The following PPP1R12C variants were observed in gnomAD, a reference collection of about 807,000 sequenced individuals.
PPP1R12C encodes leukocyte receptor cluster (LRC) encoded novel gene 3.
In PPP1R12C, 48 loss-of-function variants were observed where a neutral mutation model predicts 95.6. The ratio of observed to expected loss-of-function variants is 0.50; its 90% CI spans 0.40 to 0.64. The LOEUF is 0.64. PPP1R12C is among the 30% of genes least tolerant of loss of function. The probability of loss-of-function intolerance (pLI) is 0.00; values close to 1 mark genes in which losing one functional copy is unlikely to be tolerated. For missense variants in PPP1R12C, 1,057 were observed against 1,083.3 expected (o/e 0.98, Z 0.34); for synonymous variants, 480 against 460.8 (o/e 1.04, Z -0.53).
chr19:55,115,229 C>G (rs1157700682), intron 1 of PPP1R12C: 10 of 152,170 alleles, frequency 6.6e-5, no homozygotes, highest in Non-Finnish European at 1.3e-4. Flanking sequence ...GTTTTCCACA[C>G]GGACACCCCC....
intron 4 of PPP1R12C, among the ~76,000 whole-genome samples, chr19:55,101,125 G>A (rs1365998372): frequency 2.0e-5 from 3 of 152,028 alleles, no homozygotes; most frequent in African/African-American, 7.2e-5. Context: ...GAGCACACCT[G>A]TAATCACAGC....
intron 4 of PPP1R12C, among the ~76,000 whole-genome samples, chr19:55,100,087 C>T (rs533587706): frequency 6.6e-6 from 1 of 152,330 alleles, no homozygotes; most frequent in East Asian, 1.9e-4. Context: ...GTCCGCTCGC[C>T]GCTGGCCTCT....
chr19:55,098,899 G>A (rs1477433968), intron 5 of PPP1R12C, 41 bp from the exon 6 acceptor site: 1 of 1,611,640 alleles, frequency 6.2e-7, no homozygotes, highest in East Asian at 2.2e-5. Flanking sequence ...TGAAGGAGGT[G>A]CTGGGCCCTC....
chr19:55,100,041 C>A (rs893593376), intron 4 of PPP1R12C, among the ~76,000 whole-genome samples: 1 of 152,180 alleles, frequency 6.6e-6, no homozygotes, highest in African/African-American at 2.4e-5. Flanking sequence ...GCTCACCCTG[C>A]CCCAGCTGTG....
At chr19:55,098,197 C>G (rs945277089) in intron 6 of PPP1R12C, among the ~76,000 whole-genome samples, 18 of 152,256 alleles carry the variant, frequency 1.2e-4, no homozygotes, top group African/African-American at 4.3e-4. Flanking sequence ...CCTGACAGCA[C>G]AATCCACGTG....
chr19:55,093,297 C>G (rs1430390479), intron 13 of PPP1R12C, 64 bp from the exon 14 acceptor site: 1 of 1,407,500 alleles, frequency 7.1e-7, no homozygotes, highest in Non-Finnish European at 9.8e-7. Flanking sequence ...CTCCCTCAGA[C>G]CCAGGAGCCC....
At chr19:55,110,600 G>T (rs1195478340) in intron 3 of PPP1R12C, among the ~76,000 whole-genome samples, 1 of 152,220 alleles carries the variant, frequency 6.6e-6, no homozygotes, top group East Asian at 1.9e-4. Context: ...TCTCAGAATG[G>T]CCGGGCTCAC....
chr19:55,091,594 C>A (rs367827817), intron 21 of PPP1R12C, 36 bp from the exon 22 acceptor site: 229 of 1,609,222 alleles, frequency 1.4e-4, no homozygotes, highest in Non-Finnish European at 1.9e-4. Context: ...GCAGCCCTGG[C>A]GGGTTGCACC....
chr19:55,117,312 G>A lies in PPP1R12C; in HGVS notation c.232C>T (p.Pro78Ser). Reference sequence around the variant, plus strand: ...GCGGCGGGGTCGAGCTCGGCGCCGGGGCCAGGGTCGGCGGCGCGCAGCATC... The same window carrying A: ...GCGGCGGGGTCGAGCTCGGCGCCGGAGCCAGGGTCGGCGGCGCGCAGCATC... Reference protein sequence around the residue: ...RLMLRAADPGPGAELDPAAPP... With the variant: ...RLMLRAADPGSGAELDPAAPP... The change falls in exon 1 of 22, where the codon CCC becomes TCC. Residue 78 changes from proline to serine, a missense_variant. Pro to Ser is a moderately conservative substitution (Grantham distance 74). Coordinates refer to ENST00000263433, the MANE Select transcript of PPP1R12C (RefSeq NM_017607.4). 8.4e-7 allele frequency: 1 copy of A among 1,191,396 alleles called. No homozygotes were observed. The highest frequency in any genetic ancestry group is 1.0e-6 in the Non-Finnish European group (1 of 963,212). The allele number at this position is 1,191,396 out of a possible 1,614,324, so 73.8% of individuals were successfully genotyped here.
intron 12 of PPP1R12C, 22 bp from the exon 13 acceptor site, chr19:55,094,457 C>T: frequency 6.2e-7 from 1 of 1,613,002 alleles, no homozygotes; most frequent in Non-Finnish European, 8.5e-7. Context: ...GTCCCAACCT[C>T]AGACAGGGAA....
At chr19:55,116,865 G>A (rs2085159647) in intron 1 of PPP1R12C, among the ~76,000 whole-genome samples, 1 of 152,328 alleles carries the variant, frequency 6.6e-6, no homozygotes, top group South Asian at 2.1e-4. Context: ...GGGAAGTCGA[G>A]GGAGGGATGG....
intron 1 of PPP1R12C, chr19:55,115,258 C>A (rs993338231): frequency 6.6e-6 from 1 of 152,228 alleles, no homozygotes; most frequent in Non-Finnish European, 1.5e-5. Context: ...CACAGCCCTG[C>A]CAGGACGGGG....
Position 55,091,242 on chromosome 19 carries a change from C to T in PPP1R12C, c.*230G>A. ...TCCTGGTCCCGTCTCTGGCCCTGGTCCCCTCTGGCAACGTCCCCCTGCTTG... is the reference window on the plus strand; with the variant it reads ...TCCTGGTCCCGTCTCTGGCCCTGGTTCCCTCTGGCAACGTCCCCCTGCTTG... On this transcript the variant is annotated 3_prime_UTR_variant, in exon 22 of 22. Transcript: ENST00000263433. 3.5e-6 allele frequency: 2 copies of T among 579,228 alleles called. No individual in the cohort carries two copies. Among genetic ancestry groups the T allele is most frequent in the Non-Finnish European group, 6.2e-6 (2 of 324,004 alleles). 35.9% of individuals were successfully genotyped at this position (579,228 alleles called of 1,614,324 possible). A position where few individuals can be genotyped will look rare whatever the true frequency, so the allele number is the denominator to read the frequency against.
intron 19 of PPP1R12C, 88 bp downstream of exon 19, chr19:55,092,134 C>A (rs1026988424): frequency 8.6e-6 from 11 of 1,282,366 alleles, no homozygotes; most frequent in African/African-American, 1.5e-5. Context: ...CCCGCCGGCA[C>A]CCCCAGGCCA....
At chr19:55,096,399 C>T (rs979531213) in intron 6 of PPP1R12C, 64 bp from the exon 7 acceptor site, 4 of 1,551,524 alleles carry the variant, frequency 2.6e-6, no homozygotes, top group Admixed American at 1.7e-5. Context: ...GCAACACCAC[C>T]ACAAACAGCT....
chr19:55,094,508 G>A lies in PPP1R12C; in HGVS notation c.1593-73C>T, dbSNP rs961633015. 8.8e-6 allele frequency: 14 copies of A among 1,598,688 alleles called. No homozygotes were observed. The South Asian group carries it at 1.2e-4, about 14-fold the overall frequency. On this transcript the variant is annotated intron_variant, in intron 12 of 21. Coordinates refer to ENST00000263433, the MANE Select transcript of PPP1R12C (RefSeq NM_017607.4). The stretch of plus-strand genomic sequence containing the variant: ...CCATTCCGTGGCTGACACCCTCCGC[G>A]GGAAGCAAGTTCTGTGGGAGGGGAC...
chr19:55,099,470 G>A (rs969244536), intron 4 of PPP1R12C, among the ~76,000 whole-genome samples: 3 of 152,218 alleles, frequency 2.0e-5, no homozygotes, highest in Non-Finnish European at 4.4e-5. Flanking sequence ...AGAAGGATGG[G>A]ACCCCCAAAG....
At chr19:55,092,102 C>A in intron 19 of PPP1R12C, 120 bp downstream of exon 19, 1 of 1,114,632 alleles carries the variant, frequency 9.0e-7, no homozygotes, top group African/African-American at 1.6e-5. Flanking sequence ...ATCTCGGCCC[C>A]GCCCCTCAAG....
chr19:55,101,424 C>T (rs1051322025), intron 4 of PPP1R12C, among the ~76,000 whole-genome samples: 6 of 152,318 alleles, frequency 3.9e-5, no homozygotes, highest in Admixed American at 1.3e-4. Flanking sequence ...GCCCCCTGGC[C>T]GGACACAGGC....
Sources: gnomAD v4.1 joint callset for allele counts (sites outside exome capture counted in the v4.1 genomes callset) on GRCh38, gnomAD v4.1.1 for gene constraint, MANE v1.5 for transcripts, NCBI Gene and HGNC (gene_info 2026-07-23, HGNC 2026-07-21) for gene names.